The following CPEB2 variants were observed in gnomAD, a reference collection of about 807,000 sequenced individuals.
CPEB2 encodes cytoplasmic polyadenylation element binding protein 2.
Under a neutral mutation model 93.6 loss-of-function variants are expected in CPEB2, and 56 were observed. That is an observed-to-expected ratio of 0.60 (90% CI 0.48 to 0.75). The LOEUF (loss-of-function observed/expected upper bound fraction) is 0.75, where lower values mean the gene tolerates loss of function less well. CPEB2 is among the 30% of genes least tolerant of loss of function. The probability of loss-of-function intolerance (pLI) is 0.00; values close to 1 mark genes in which losing one functional copy is unlikely to be tolerated. For missense variants in CPEB2, 1,579 were observed against 1,395.1 expected, an observed-to-expected ratio of 1.13 and a Z score of -2.10; for synonymous variants, 764 against 586.3, an observed-to-expected ratio of 1.30 and a Z score of -4.38.
At chr4:15,026,010 G>T (rs113722044) in intron 4 of CPEB2, among the ~76,000 whole-genome samples, 1 of 151,962 alleles carries the variant, frequency 6.6e-6, no homozygotes, top group African/African-American at 2.4e-5. Flanking sequence ...TAACTGCCAC[G>T]TTAGGGATTT....
chr4:15,058,314 ATAGT>A, intron 8 of CPEB2, 103 bp from the exon 9 acceptor site: 1 of 677,278 alleles, frequency 1.5e-6, no homozygotes, highest in Non-Finnish European at 2.6e-6. Context: ...ATCCTATTTG[ATAGT>A]TTGTTTTTTT....
At position 15,003,119 on chromosome 4, in the gene CPEB2, C is replaced by T. The variant is rs1174811827; in HGVS notation, c.446C>T (p.Ser149Phe). 2 of 1,532,748 alleles carry T rather than the reference C, an allele frequency of 1.3e-6. No homozygotes were observed. The highest frequency in any genetic ancestry group is 1.4e-5 in the African/African-American group (1 of 72,478). The allele number at this position is 1,532,748 out of a possible 1,614,324, so 94.9% of individuals were successfully genotyped here. Residue 149 changes from serine (S) to phenylalanine (F), a missense_variant, in exon 1 of 12, where the codon TCC becomes TTC. This residue lies in a region of CPEB2 where 1,411 missense variants were observed against 1,056.0 expected (regional missense o/e 1.34). Coordinates refer to ENST00000538197, the MANE Select transcript of CPEB2 (RefSeq NM_001177382.2). ...DFKPSLHHPS[S>F]SSASSCCCCR... ...AAACCGAGTCTGCACCACCCCTCCT[C>T]CTCCTCCGCCTCCTCCTGCTGCTGC...
At chr4:15,017,153 T>C in intron 3 of CPEB2, 35 bp from the exon 4 acceptor site, 1 of 1,202,446 alleles carries the variant, frequency 8.3e-7, no homozygotes, top group Non-Finnish European at 1.2e-6. Flanking sequence ...AAAAACTGCA[T>C]AGATTATAAT....
chr4:15,002,769 C>T lies in CPEB2; in HGVS notation c.96C>T (p.Ala32=). The T allele has an allele frequency of 1.3e-5, 20 of 1,535,522 alleles. No homozygotes were observed. The highest frequency in any genetic ancestry group is 1.7e-5 in the Non-Finnish European group (20 of 1,146,678). ...GCGGCGAGGCGTATGGTCCTTACGCCGTGGGGTCCGTCAACCCGCTGCCCT... is the reference window on the plus strand; with the variant it reads ...GCGGCGAGGCGTATGGTCCTTACGCTGTGGGGTCCGTCAACCCGCTGCCCT... ...LFCGEAYGPY[A]VGSVNPLPSA... Residue 32 remains alanine, a synonymous_variant, in exon 1 of 12, where the codon GCC becomes GCT. Transcript: ENST00000538197.
In CPEB2 at chr4:15,070,130, A is replaced by ATAAAC. The variant is rs1441333417; in HGVS notation, c.*3753_*3757dup. Reference sequence around the variant, plus strand: ...TATTTGTAATATTGTTGACTGACTAATAAACTATTAAGTTATTGGCATAGT... The same window carrying ATAAAC: ...TATTTGTAATATTGTTGACTGACTAATAAACTAAACTATTAAGTTATTGGCATAGT... On this transcript the variant is annotated 3_prime_UTR_variant, in exon 12 of 12. Coordinates refer to ENST00000538197, the MANE Select transcript of CPEB2 (RefSeq NM_001177382.2). 12 of 152,240 alleles carry ATAAAC rather than the reference A, an allele frequency of 7.9e-5. No individual in the cohort carries two copies. The Admixed American group carries it at 7.9e-4, about 10-fold the overall frequency. 9.4% of individuals were successfully genotyped at this position (152,240 alleles called of 1,614,324 possible).
chr4:15,066,387 C>T lies in CPEB2; in HGVS notation c.*7C>T. 1 of 1,576,624 alleles carries T rather than the reference C, an allele frequency of 6.3e-7. No individual in the cohort carries two copies. Among genetic ancestry groups the T allele is most frequent in the Non-Finnish European group, 8.6e-7 (1 of 1,156,422 alleles). ...CCACTTCCGCTGGAACTAAGAATAG[C>T]AAACTGGCCTCTGTTTAACAAGGAA... On this transcript the variant is annotated 3_prime_UTR_variant, in exon 12 of 12. Transcript: ENST00000538197.
Position 15,003,873 on chromosome 4 carries a change from C to T in CPEB2, c.1200C>T (p.Thr400=), listed in dbSNP as rs555263735. 654 of 862,158 alleles carry T rather than the reference C, an allele frequency of 7.6e-4. 6 individuals carry two copies. The African/African-American group carries it at 0.011, about 15-fold the overall frequency. 53.4% of individuals were successfully genotyped at this position (862,158 alleles called of 1,614,324 possible). ...CCCAGCCCCAGCAGCCGCCGCCGAC[C>T]CAGCCGCAGCAGCAGCCGCCGCCAC... The part of the protein sequence containing the change: ...PPPQPQQPPP[T]QPQQQPPPPQ... Residue 400 remains threonine (T), a synonymous_variant, in exon 1 of 12, where the codon ACC becomes ACT. Transcript: ENST00000538197.
At chr4:15,044,808 A>G (rs1291314317) in intron 6 of CPEB2, among the ~76,000 whole-genome samples, 1 of 152,206 alleles carries the variant, frequency 6.6e-6, no homozygotes. Flanking sequence ...TCTCTAACAT[A>G]CATGGATGTG....
rs1728516857 is a variant in CPEB2 at position 15,054,291 on chromosome 4, A to G, written c.2461+74A>G. 5.0e-6 allele frequency: 5 copies of G among 1,002,648 alleles called. No homozygotes were observed. In the South Asian group the frequency reaches 5.6e-5, roughly 11 times the overall value. 62.1% of individuals were successfully genotyped at this position (1,002,648 alleles called of 1,614,324 possible). A position where few individuals can be genotyped will look rare whatever the true frequency, so the allele number is the denominator to read the frequency against. ...GCAAAAGAAAGAATAGCAATTACTT[A>G]GCCAGTTAGGAATCATAAGAGACTT... On this transcript the variant is annotated intron_variant, in intron 8 of 11. Coordinates refer to ENST00000538197, the MANE Select transcript of CPEB2 (RefSeq NM_001177382.2).
At chr4:15,047,414 A>ATAT (rs1348209326) in intron 6 of CPEB2, among the ~76,000 whole-genome samples, 1 of 152,202 alleles carries the variant, frequency 6.6e-6, no homozygotes, top group African/African-American at 2.4e-5. Context: ...CATTTATTTC[A>ATAT]TATTTTTAAC....
At chr4:15,047,729 ATCT>A (rs894749489) in intron 6 of CPEB2, among the ~76,000 whole-genome samples, 4 of 151,564 alleles carry the variant, frequency 2.6e-5, no homozygotes, top group African/African-American at 7.3e-5. Context: ...TATTTTTTTC[ATCT>A]TCTTTGATTT....
intron 8 of CPEB2, among the ~76,000 whole-genome samples, chr4:15,054,788 G>T (rs1728563742): frequency 6.6e-6 from 1 of 152,022 alleles, no homozygotes; most frequent in South Asian, 2.1e-4. Context: ...AGTATATCCT[G>T]CCCCCAATAA....
At chr4:15,039,835 T>A (rs1418514755) in intron 5 of CPEB2, among the ~76,000 whole-genome samples, 7 of 152,170 alleles carry the variant, frequency 4.6e-5, no homozygotes, top group Non-Finnish European at 1.0e-4. Flanking sequence ...ATAGCTGTTA[T>A]AACATATATT....
At chr4:15,061,662 T>C (rs1211893186) in intron 10 of CPEB2, among the ~76,000 whole-genome samples, 1 of 150,576 alleles carries the variant, frequency 6.6e-6, no homozygotes, top group Admixed American at 6.7e-5. Flanking sequence ...AAAAGTGTTA[T>C]GGGAATTTTT....
chr4:15,042,864 C>A (rs1027422568), intron 6 of CPEB2, among the ~76,000 whole-genome samples: 3 of 152,160 alleles, frequency 2.0e-5, no homozygotes, highest in African/African-American at 7.2e-5. Flanking sequence ...AACCACCAAA[C>A]ACCCCCTTTT....
At chr4:15,007,612 A>C (rs763750440) in intron 2 of CPEB2, 26 bp downstream of exon 2, 18 of 1,410,836 alleles carry the variant, frequency 1.3e-5, no homozygotes, top group Non-Finnish European at 1.5e-5. Flanking sequence ...AAATGACCTT[A>C]TCTCTAATGT....
At chr4:15,024,061 C>CT (rs1232454981) in intron 4 of CPEB2, among the ~76,000 whole-genome samples, 2 of 151,944 alleles carry the variant, frequency 1.3e-5, no homozygotes, top group Admixed American at 1.3e-4. Flanking sequence ...GCTTAGTTTT[C>CT]TAAGTATTTA....
intron 4 of CPEB2, among the ~76,000 whole-genome samples, chr4:15,018,113 A>G (rs574907434): frequency 2.0e-5 from 3 of 151,970 alleles, no homozygotes; most frequent in Admixed American, 6.6e-5. Context: ...CAGCTTAACT[A>G]TTTTATTCTG....
At chr4:15,012,358 T>C (rs1221279511) in intron 3 of CPEB2, among the ~76,000 whole-genome samples, 1 of 151,686 alleles carries the variant, frequency 6.6e-6, no homozygotes, top group African/African-American at 2.4e-5. Flanking sequence ...TTATTTTTTT[T>C]CTGAGAATGG....
Sources: gnomAD v4.1 joint callset for allele counts (sites outside exome capture counted in the v4.1 genomes callset) on GRCh38, gnomAD v4.1.1 for gene constraint, gnomAD v4.1.1 regional missense constraint, MANE v1.5 for transcripts, NCBI Gene and HGNC (gene_info 2026-07-23, HGNC 2026-07-21) for gene names.